EYS: variants seen among roughly 807,000 people sequenced by gnomAD.
EYS encodes protein eyes shut homolog.
A neutral mutation model predicts 282.1 loss-of-function variants in EYS; 250 were observed. The ratio of observed to expected loss-of-function variants is 0.89; its 90% CI spans 0.80 to 0.98. EYS has a LOEUF of 0.98. EYS is among the 50% of genes least tolerant of loss of function. The pLI is 0.00. For synonymous variants in EYS, 1,355 were observed against 1,282.9 expected, an observed-to-expected ratio of 1.06 and a Z score of -1.20; for missense variants, 4,016 against 3,709.0, an observed-to-expected ratio of 1.08 and a Z score of -2.15.
intron 22 of EYS, among the ~76,000 whole-genome samples, chr6:64,759,720 C>T (rs1006431085): frequency 2.0e-5 from 3 of 152,100 alleles, no homozygotes. Flanking sequence ...GGAATTCACT[C>T]TTTCTGAATT....
In EYS at chr6:64,121,428, T is replaced by C. The variant is rs549099296; in HGVS notation, c.6425-39426A>G. ...ATTAGGACTTAGAAAGGTTTAGTAA[T>C]TGATTTGCCTAGATTGATATGGCTA... is the stretch of plus-strand genomic sequence containing the variant. On this transcript the variant is annotated intron_variant, in intron 31 of 42. Transcript: ENST00000503581. 4.6e-5 allele frequency among the ~76,000 whole-genome samples: 7 copies of C among 152,336 alleles called. No individual in the cohort carries two copies. The South Asian group carries it at 1.4e-3, about 32-fold the overall frequency.
intron 5 of EYS, among the ~76,000 whole-genome samples, chr6:65,481,060 T>G (rs889358703): frequency 5.3e-5 from 8 of 152,120 alleles, no homozygotes; most frequent in African/African-American, 1.9e-4. Context: ...GTAAGGTGAA[T>G]GTGGTTAACC....
intron 12 of EYS, among the ~76,000 whole-genome samples, chr6:65,177,124 A>T (rs2150230731): frequency 6.6e-6 from 1 of 151,892 alleles, no homozygotes; most frequent in South Asian, 2.1e-4. Context: ...TTAACTTAGC[A>T]TTTTGAGTAC....
intron 36 of EYS, among the ~76,000 whole-genome samples, chr6:63,832,390 C>A (rs1317015221): frequency 6.6e-6 from 1 of 152,062 alleles, no homozygotes; most frequent in Non-Finnish European, 1.5e-5. Flanking sequence ...GGGATATCAC[C>A]ACCGATCCCA....
At chr6:64,112,625 T>C (rs1188987068) in intron 31 of EYS, among the ~76,000 whole-genome samples, 2 of 151,708 alleles carry the variant, frequency 1.3e-5, no homozygotes, top group Non-Finnish European at 2.9e-5. Context: ...TATACACTAG[T>C]CTTTTCTATC....
chr6:63,820,156 C>G (rs1771284973), intron 36 of EYS, among the ~76,000 whole-genome samples: 1 of 152,116 alleles, frequency 6.6e-6, no homozygotes. Flanking sequence ...TATCATTGCT[C>G]TTTCTAATTT....
chr6:65,495,007 G>A lies in EYS; in HGVS notation c.404C>T (p.Thr135Ile). ...LFGCRLKGMH[T>I]VNSKWLSVGT... ...AACACTCAGCCACTTAGAATTAACAGTGTGCATTCCTTTTAGTCTGCAGCC... is the reference window on the plus strand; with the variant it reads ...AACACTCAGCCACTTAGAATTAACAATGTGCATTCCTTTTAGTCTGCAGCC... The change falls in exon 4 of 43, where the codon ACT (threonine) becomes ATT (isoleucine). Residue 135 changes from threonine (T) to isoleucine (I), a missense_variant. Thr to Ile is a moderately conservative substitution (Grantham distance 89). Transcript: ENST00000503581. The A allele has an allele frequency of 6.2e-7, 1 of 1,614,178 alleles. No homozygotes were observed. Among genetic ancestry groups the A allele is most frequent in the East Asian group, 2.2e-5 (1 of 44,882 alleles).
intron 29 of EYS, among the ~76,000 whole-genome samples, chr6:64,328,130 C>A (rs1770499018): frequency 6.6e-6 from 1 of 152,244 alleles, no homozygotes; most frequent in Non-Finnish European, 1.5e-5. Flanking sequence ...CCCTCTTATA[C>A]AGGGAAACCT....
At chr6:64,246,998 T>C (rs1767045343) in intron 30 of EYS, among the ~76,000 whole-genome samples, 1 of 152,164 alleles carries the variant, frequency 6.6e-6, no homozygotes, top group East Asian at 1.9e-4. Flanking sequence ...GCCTTGCCAT[T>C]ATGGTTAGTA....
At chr6:64,925,468 G>C (rs145344918) in intron 15 of EYS, among the ~76,000 whole-genome samples, 59 of 152,194 alleles carry the variant, frequency 3.9e-4, no homozygotes, top group African/African-American at 1.4e-3. Flanking sequence ...CGATGTGCCT[G>C]GTGTGTCAGC....
chr6:64,827,633 A>G (rs536814170), intron 19 of EYS, among the ~76,000 whole-genome samples: 13 of 152,056 alleles, frequency 8.5e-5, no homozygotes, highest in African/African-American at 2.4e-4. Flanking sequence ...CTTAAGAATC[A>G]GTGATTTTAA....
intron 22 of EYS, among the ~76,000 whole-genome samples, chr6:64,734,496 C>A (rs1207196484): frequency 2.6e-5 from 4 of 152,144 alleles, no homozygotes; most frequent in Admixed American, 2.6e-4. Flanking sequence ...GCATAGAAAT[C>A]AGAATAAGTT....
chr6:64,343,531 C>A (rs1196625406), intron 29 of EYS, among the ~76,000 whole-genome samples: 1 of 151,860 alleles, frequency 6.6e-6, no homozygotes, highest in Non-Finnish European at 1.5e-5. Context: ...CACAACATAC[C>A]AGAATCTCTG....
At chr6:64,732,153 G>A (rs142447208) in intron 22 of EYS, among the ~76,000 whole-genome samples, 2,880 of 152,078 alleles carry the variant, frequency 0.019, 91 homozygotes, top group African/African-American at 0.065. Flanking sequence ...ACACACTGGG[G>A]CCTGTCGGGG....
chr6:64,544,303 G>A (rs1187532866), intron 26 of EYS, among the ~76,000 whole-genome samples: 1 of 152,152 alleles, frequency 6.6e-6, no homozygotes, highest in Non-Finnish European at 1.5e-5. Flanking sequence ...TTTCAGTCAA[G>A]GCACAATCAG....
chr6:64,169,154 A>G (rs769068821), intron 31 of EYS, among the ~76,000 whole-genome samples: 4 of 152,206 alleles, frequency 2.6e-5, no homozygotes, highest in Non-Finnish European at 5.9e-5. Flanking sequence ...GGCACCTAGA[A>G]CAGTTTCTAC....
chr6:64,577,663 A>G (rs1434103489), intron 26 of EYS, among the ~76,000 whole-genome samples: 1 of 152,096 alleles, frequency 6.6e-6, no homozygotes, highest in Non-Finnish European at 1.5e-5. Flanking sequence ...GCACAACACT[A>G]AACATATATT....
chr6:64,873,316 A>G (rs1405017279), intron 19 of EYS, among the ~76,000 whole-genome samples: 6 of 152,070 alleles, frequency 3.9e-5, no homozygotes, highest in Non-Finnish European at 8.8e-5. Context: ...CCATGATTCA[A>G]TTACTTCTCA....
intron 19 of EYS, among the ~76,000 whole-genome samples, chr6:64,823,768 A>G (rs1562210860): frequency 6.6e-6 from 1 of 151,918 alleles, no homozygotes; most frequent in Non-Finnish European, 1.5e-5. Flanking sequence ...AAGAATTTAA[A>G]TCATGTTTCC....
Sources: gnomAD v4.1 joint callset for allele counts (sites outside exome capture counted in the v4.1 genomes callset) on GRCh38, gnomAD v4.1.1 for gene constraint, MANE v1.5 for transcripts, NCBI Gene and HGNC (gene_info 2026-07-23, HGNC 2026-07-21) for gene names.